The following DLGAP1 variants were observed in gnomAD, a reference collection of about 807,000 sequenced individuals.
The protein encoded by DLGAP1 is disks large-associated protein 1.
A neutral mutation model predicts 90.8 loss-of-function variants in DLGAP1; 11 were observed. The ratio of observed to expected loss-of-function variants is 0.12; its 90% confidence interval spans 0.08 to 0.20. DLGAP1 has a LOEUF of 0.20. Ranked by LOEUF, DLGAP1 falls within the 10% of genes least tolerant of loss-of-function variation. The pLI is 1.00. For missense variants in DLGAP1, 1,050 were observed against 1,333.8 expected (o/e 0.79, Z 3.31); for synonymous variants, 558 against 540.7 (o/e 1.03, Z -0.44).
intron 1 of DLGAP1, among the ~76,000 whole-genome samples, chr18:4,163,390 T>C (rs748702993): frequency 3.7e-4 from 56 of 152,250 alleles, no homozygotes; most frequent in Non-Finnish European, 6.5e-4. Context: ...CGCACTACTA[T>C]TCTTTACAGT....
chr18:3,881,806 G>A (rs1022016293), intron 3 of DLGAP1, among the ~76,000 whole-genome samples: 3 of 152,056 alleles, frequency 2.0e-5, no homozygotes, highest in East Asian at 1.9e-4. Flanking sequence ...CCAGCTACTC[G>A]GGAGGCTGAG....
chr18:4,366,693 C>T (rs62085630), intron 1 of DLGAP1, among the ~76,000 whole-genome samples: 3,588 of 151,950 alleles, frequency 0.024, 67 homozygotes, highest in Non-Finnish European at 0.038. Flanking sequence ...GGCTCTACCT[C>T]CCAACGTCCA....
intron 7 of DLGAP1, among the ~76,000 whole-genome samples, chr18:3,702,709 A>C (rs535276969): frequency 2.2e-4 from 34 of 152,284 alleles, no homozygotes; most frequent in Middle Eastern, 3.4e-3. Flanking sequence ...CTCTGTGGGG[A>C]GCCAGAGGGC....
At chr18:3,602,569 T>C (rs1203334975) in intron 7 of DLGAP1, among the ~76,000 whole-genome samples, 1 of 117,660 alleles carries the variant, frequency 8.5e-6, no homozygotes, top group African/African-American at 3.4e-5. Flanking sequence ...CACTCCAGCC[T>C]GGGCGACAGA....
At chr18:3,540,719 T>G (rs754733615) in intron 9 of DLGAP1, among the ~76,000 whole-genome samples, 13 of 152,134 alleles carry the variant, frequency 8.5e-5, no homozygotes, top group Non-Finnish European at 1.8e-4. Context: ...AAATCCTCTA[T>G]GTTCATCATT....
intron 6 of DLGAP1, among the ~76,000 whole-genome samples, chr18:3,741,776 T>G (rs2147691371): frequency 6.6e-6 from 1 of 152,348 alleles, no homozygotes; most frequent in East Asian, 1.9e-4. Context: ...TTTGCCAGAT[T>G]AGTTATCCTA....
At chr18:4,110,376 C>T (rs116335110) in intron 2 of DLGAP1, among the ~76,000 whole-genome samples, 207 of 152,266 alleles carry the variant, frequency 1.4e-3, no homozygotes, top group African/African-American at 4.8e-3. Context: ...TTATGTGGTG[C>T]GTGACTGTCT....
chr18:3,956,484 G>A (rs1293701485), intron 3 of DLGAP1, among the ~76,000 whole-genome samples: 1 of 151,930 alleles, frequency 6.6e-6, no homozygotes, highest in Non-Finnish European at 1.5e-5. Flanking sequence ...CAGTAGCTGG[G>A]ACTACAGTCA....
At chr18:4,417,371 T>C (rs1404291149) in intron 1 of DLGAP1, among the ~76,000 whole-genome samples, 1 of 152,206 alleles carries the variant, frequency 6.6e-6, no homozygotes, top group Admixed American at 6.5e-5. Context: ...AATGAATTGA[T>C]AAATATTTTA....
At chr18:3,767,704 A>G (rs891714048) in intron 5 of DLGAP1, among the ~76,000 whole-genome samples, 5 of 152,144 alleles carry the variant, frequency 3.3e-5, no homozygotes, top group Non-Finnish European at 7.4e-5. Flanking sequence ...CAGAAAATGC[A>G]TGTAACAAAA....
intron 5 of DLGAP1, among the ~76,000 whole-genome samples, chr18:3,773,221 C>A (rs1294504829): frequency 2.0e-5 from 3 of 152,106 alleles, no homozygotes; most frequent in African/African-American, 7.2e-5. Context: ...TTGACTCACT[C>A]ACCGATAACA....
At chr18:3,887,348 T>A (rs1160801658) in intron 3 of DLGAP1, among the ~76,000 whole-genome samples, 4 of 152,170 alleles carry the variant, frequency 2.6e-5, no homozygotes, top group Non-Finnish European at 5.9e-5. Context: ...TATTTGCAGG[T>A]GGTGGTAATC....
intron 1 of DLGAP1, among the ~76,000 whole-genome samples, chr18:4,305,675 A>G (rs1188659026): frequency 6.6e-6 from 1 of 152,112 alleles, no homozygotes; most frequent in Non-Finnish European, 1.5e-5. Context: ...TTTCACCTTT[A>G]CAAATGATAA....
chr18:3,720,904 A>AAAAAAAAAAAAAAAAAAAAC, intron 7 of DLGAP1, among the ~76,000 whole-genome samples: 1 of 148,448 alleles, frequency 6.7e-6, no homozygotes, highest in African/African-American at 2.5e-5. Flanking sequence ...AAAAAAAAAA[A>AAAAAAAAAAAAAAAAAAAAC]AAAAATTAGC....
intron 4 of DLGAP1, among the ~76,000 whole-genome samples, chr18:3,832,273 CTG>C (rs1365589511): frequency 1.3e-5 from 2 of 152,200 alleles, no homozygotes; most frequent in African/African-American, 2.4e-5. Context: ...ATTACAAAAA[CTG>C]TGAACTACCC....
chr18:3,890,458 A>G (rs146962439), intron 3 of DLGAP1, among the ~76,000 whole-genome samples: 41 of 152,272 alleles, frequency 2.7e-4, no homozygotes, highest in Middle Eastern at 3.4e-3. Context: ...TAGATTTGTA[A>G]TTCCTCAAAC....
chr18:3,984,532 T>C (rs1323736938), intron 3 of DLGAP1, among the ~76,000 whole-genome samples: 2 of 152,192 alleles, frequency 1.3e-5, no homozygotes, highest in African/African-American at 2.4e-5. Context: ...ATGAGACTGA[T>C]GTACTCCTCT....
chr18:3,708,476 G>T (rs1310415705), intron 7 of DLGAP1: 4 of 456,498 alleles, frequency 8.8e-6, no homozygotes, highest in Non-Finnish European at 1.8e-5. Context: ...CTAGCGCCCA[G>T]GATTCCAGCT....
chr18:3,575,096 G>T (rs1340497561), intron 8 of DLGAP1, among the ~76,000 whole-genome samples: 1 of 152,186 alleles, frequency 6.6e-6, no homozygotes, highest in Non-Finnish European at 1.5e-5. Context: ...TTACAGGCGT[G>T]AGCCACCATG....
Sources: gnomAD v4.1 joint callset for allele counts (sites outside exome capture counted in the v4.1 genomes callset) on GRCh38, gnomAD v4.1.1 for gene constraint, MANE v1.5 for transcripts, NCBI Gene and HGNC (gene_info 2026-07-23, HGNC 2026-07-21) for gene names.